Variants in PRELID2 observed in about 807,000 individuals in gnomAD.
The protein encoded by PRELID2 is PRELI domain-containing protein 2.
Under a neutral mutation model 28.4 loss-of-function variants are expected in PRELID2, and 25 were observed. That is an observed-to-expected ratio of 0.88 (90% CI 0.64 to 1.23). The LOEUF is 1.23. PRELID2 is among the 50% of genes most tolerant of loss of function. The pLI, the probability that PRELID2 is intolerant of heterozygous loss-of-function variation, is 0.00. For missense variants in PRELID2, 201 were observed against 214.4 expected (o/e 0.94, Z 0.39); for synonymous variants, 76 against 71.6 (o/e 1.06, Z -0.31).
intron 1 of PRELID2, among the ~76,000 whole-genome samples, chr5:145,689,700 G>A (rs1229529084): frequency 6.6e-6 from 1 of 152,166 alleles, no homozygotes; most frequent in Admixed American, 6.5e-5. Flanking sequence ...AAAAAAAGGA[G>A]ATGAAGCCCA....
chr5:145,353,835 G>A, the PRELID2 span, among the ~76,000 whole-genome samples: 1 of 152,018 alleles, frequency 6.6e-6, no homozygotes, highest in Non-Finnish European at 1.5e-5. Context: ...CACATCAAGG[G>A]GGAAAAGCAC....
At chr5:145,514,188 G>C (rs1409721524) in intron 1 of PRELID2, among the ~76,000 whole-genome samples, 2 of 152,044 alleles carry the variant, frequency 1.3e-5, no homozygotes, top group Non-Finnish European at 2.9e-5. Context: ...GCAATTGAAA[G>C]ACACAGACTG....
chr5:145,331,024 C>G, the PRELID2 span, among the ~76,000 whole-genome samples: 96,747 of 151,930 alleles, frequency 0.64, 31,022 homozygotes, highest in East Asian at 0.88. Flanking sequence ...CCTTAATTTT[C>G]TTATTTACCC....
At chr5:145,741,391 T>C (rs1324585769) in intron 1 of PRELID2, among the ~76,000 whole-genome samples, 1 of 106,302 alleles carries the variant, frequency 9.4e-6, no homozygotes, top group Non-Finnish European at 1.7e-5. Context: ...TTATAAATTA[T>C]TTATATATAA....
chr5:145,752,803 G>A (rs973235210), downstream of PRELID2, among the ~76,000 whole-genome samples: 1 of 152,096 alleles, frequency 6.6e-6, no homozygotes, highest in Admixed American at 6.5e-5. Context: ...TGGGGCCCAG[G>A]GAATTGTTTT....
At chr5:145,396,821 A>G in the PRELID2 span, among the ~76,000 whole-genome samples, 3 of 149,654 alleles carry the variant, frequency 2.0e-5, no homozygotes, top group African/African-American at 7.6e-5. Flanking sequence ...GTGGAGGATG[A>G]AGACTAATTA....
At chr5:145,819,743 A>C (rs1754627260) in intron 3 of PRELID2, 2 of 594,854 alleles carry the variant, frequency 3.4e-6, no homozygotes, top group African/African-American at 3.8e-5. Flanking sequence ...AGTTCTTCAC[A>C]AGACAGAGAG....
At chr5:145,696,285 C>A (rs984015438) in intron 1 of PRELID2, among the ~76,000 whole-genome samples, 3 of 150,806 alleles carry the variant, frequency 2.0e-5, no homozygotes, top group Non-Finnish European at 4.4e-5. Context: ...CTGAGACAGG[C>A]ACTGCTTGAC....
chr5:145,549,866 C>T (rs779099063), intron 1 of PRELID2, among the ~76,000 whole-genome samples: 2 of 152,030 alleles, frequency 1.3e-5, no homozygotes, highest in Non-Finnish European at 2.9e-5. Flanking sequence ...ACACGTCACT[C>T]CTTAATCCAA....
the PRELID2 span, among the ~76,000 whole-genome samples, chr5:145,243,604 C>A: frequency 6.6e-6 from 1 of 151,960 alleles, no homozygotes; most frequent in African/African-American, 2.4e-5. Context: ...CCATCATCAT[C>A]CTCATCATTA....
intron 5 of PRELID2, chr5:145,794,937 C>A (rs1407891558): frequency 6.6e-6 from 1 of 151,970 alleles, no homozygotes; most frequent in South Asian, 2.1e-4. Flanking sequence ...ATTTATATGG[C>A]CTGCAAGAAT....
rs1390075665 is a variant in PRELID2 at position 145,813,947 on chromosome 5, A to C, written c.368+3947T>G. On this transcript the variant is annotated intron_variant, in intron 4 of 6. Transcript: ENST00000683046. ...AAAATATGTAATCATAGAGACTTTC[A>C]CCACAACACTGTTTGTAAGAGCAAA... Among the ~76,000 whole-genome samples the C allele has an allele frequency of 2.0e-5, 3 of 152,236 alleles. No individual in the cohort carries two copies. The East Asian group carries it at 5.8e-4, about 29-fold the overall frequency.
chr5:145,789,069 A>G (rs1219621110), intron 5 of PRELID2, among the ~76,000 whole-genome samples: 1 of 152,186 alleles, frequency 6.6e-6, no homozygotes, highest in African/African-American at 2.4e-5. Context: ...CTTATCCATA[A>G]TACCCAAAGC....
At chr5:145,611,718 T>C (rs1753619532) in intron 1 of PRELID2, among the ~76,000 whole-genome samples, 1 of 152,232 alleles carries the variant, frequency 6.6e-6, no homozygotes, top group African/African-American at 2.4e-5. Context: ...AGTTGATCTA[T>C]AATTTCAAAA....
chr5:145,288,928 CAGAT>C, the PRELID2 span, among the ~76,000 whole-genome samples: 13 of 152,138 alleles, frequency 8.5e-5, no homozygotes, highest in Admixed American at 2.0e-4. Flanking sequence ...ATATTGCTAA[CAGAT>C]AGCCCATGGG....
rs1755867731 is a variant in PRELID2, at chr5:145,835,257, C to G, written c.-6G>C. 2 of 1,546,456 alleles carry G rather than the reference C, an allele frequency of 1.3e-6. No individual in the cohort carries two copies. Among genetic ancestry groups the G allele is most frequent in the Non-Finnish European group, 1.7e-6 (2 of 1,144,234 alleles). On this transcript the variant is annotated 5_prime_UTR_variant, in exon 1 of 7. Transcript: ENST00000683046. The stretch of plus-strand genomic sequence containing the variant: ...ACATCCACCGAGACCCCCATCCCCG[C>G]GCGCCGCGGGCCCCGCGCACCGGCC...
At chr5:145,477,852 G>A (rs1343144926) in intron 1 of PRELID2, among the ~76,000 whole-genome samples, 1 of 151,804 alleles carries the variant, frequency 6.6e-6, no homozygotes, top group Non-Finnish European at 1.5e-5. Context: ...AGAAGGAGGA[G>A]GAGAAAGGGA....
At chr5:145,685,073 G>T (rs775783316) in intron 1 of PRELID2, among the ~76,000 whole-genome samples, 5 of 152,090 alleles carry the variant, frequency 3.3e-5, no homozygotes, top group African/African-American at 4.8e-5. Flanking sequence ...CCATTCTTCT[G>T]CCTGTCCCCA....
rs188097467 is a variant in PRELID2, at chr5:145,496,976, C to A, written n.71-23661G>T. ...TTCCTGGCCTCAAGTGATCCTCCCA[C>A]CTCAGCCTCCTGAGTAGCTAGGACT... On this transcript the variant is annotated intron_variant and non_coding_transcript_variant, in intron 1 of 2. Coordinates refer to the PRELID2 transcript ENST00000510259. 5.3e-5 allele frequency among the ~76,000 whole-genome samples: 8 copies of A among 152,254 alleles called. No homozygotes were observed. The East Asian group carries it at 1.5e-3, about 29-fold the overall frequency.
Sources: gnomAD v4.1 joint callset for allele counts (sites outside exome capture counted in the v4.1 genomes callset) on GRCh38, gnomAD v4.1.1 for gene constraint, MANE v1.5 for transcripts, NCBI Gene and HGNC (gene_info 2026-07-23, HGNC 2026-07-21) for gene names.